The following NRG3 variants were observed in gnomAD, a reference collection of about 807,000 sequenced individuals.
NRG3 encodes the protein pro-neuregulin-3, membrane-bound isoform.
A neutral mutation model predicts 66.9 loss-of-function variants in NRG3; 31 were observed. The ratio of observed to expected loss-of-function variants is 0.46; its 90% CI spans 0.35 to 0.63. The LOEUF is 0.63. Ranked by LOEUF, NRG3 falls within the 20% of genes least tolerant of loss-of-function variation. NRG3 has a pLI of 0.00. For synonymous variants in NRG3, 393 were observed against 359.4 expected (o/e 1.09, Z -1.06); for missense variants, 910 against 878.9 (o/e 1.04, Z -0.45).
At chr10:82,249,059 C>A (rs2077370121) in intron 1 of NRG3, among the ~76,000 whole-genome samples, 1 of 152,270 alleles carries the variant, frequency 6.6e-6, no homozygotes, top group South Asian at 2.1e-4. Flanking sequence ...CTTTTGTAAT[C>A]CTCTATGATC....
At chr10:82,215,169 T>C (rs1413401178) in intron 1 of NRG3, among the ~76,000 whole-genome samples, 1 of 152,346 alleles carries the variant, frequency 6.6e-6, no homozygotes, top group East Asian at 1.9e-4. Flanking sequence ...TGAAGAATTA[T>C]GAGAAATTAT....
chr10:82,790,497 AT>A (rs1432741671), intron 3 of NRG3, among the ~76,000 whole-genome samples: 15 of 151,772 alleles, frequency 9.9e-5, no homozygotes, highest in African/African-American at 3.6e-4. Flanking sequence ...TACCTTTACA[AT>A]TCTCTCATTG....
chr10:82,565,891 T>A (rs1450805728), intron 2 of NRG3, among the ~76,000 whole-genome samples: 1 of 152,060 alleles, frequency 6.6e-6, no homozygotes, highest in African/African-American at 2.4e-5. Flanking sequence ...CACGCAGGCT[T>A]CTAATGAGAA....
chr10:82,205,312 C>A (rs748239654), intron 1 of NRG3, among the ~76,000 whole-genome samples: 2 of 152,110 alleles, frequency 1.3e-5, no homozygotes, highest in Non-Finnish European at 2.9e-5. Context: ...CTTCTGGGTT[C>A]CATCTGTTTC....
At chr10:82,563,914 A>G (rs1467608794) in intron 2 of NRG3, among the ~76,000 whole-genome samples, 2 of 152,122 alleles carry the variant, frequency 1.3e-5, no homozygotes, top group Admixed American at 6.6e-5. Flanking sequence ...TCATTTGAGT[A>G]TCTTAAGATG....
intron 1 of NRG3, among the ~76,000 whole-genome samples, chr10:82,276,498 C>T (rs1028889548): frequency 3.9e-5 from 6 of 151,998 alleles, no homozygotes; most frequent in African/African-American, 1.4e-4. Context: ...TAAAGGAACT[C>T]AACAGACCAG....
At chr10:82,511,277 G>A (rs2132444171) in intron 2 of NRG3, among the ~76,000 whole-genome samples, 1 of 152,170 alleles carries the variant, frequency 6.6e-6, no homozygotes, top group Non-Finnish European at 1.5e-5. Context: ...TCACAGAGAG[G>A]AAGGAAAAAA....
intron 1 of NRG3, among the ~76,000 whole-genome samples, chr10:81,939,916 A>T (rs1848256280): frequency 6.6e-6 from 1 of 151,614 alleles, no homozygotes; most frequent in Admixed American, 6.6e-5. Context: ...ACTGTTACAA[A>T]CTTCTTTTAT....
intron 3 of NRG3, among the ~76,000 whole-genome samples, chr10:82,828,266 T>A (rs1216046783): frequency 6.6e-6 from 1 of 152,190 alleles, no homozygotes; most frequent in East Asian, 1.9e-4. Flanking sequence ...TCATTGTCCA[T>A]CCGGACACCC....
At chr10:82,866,690 A>G (rs1292030926) in intron 4 of NRG3, among the ~76,000 whole-genome samples, 3 of 152,270 alleles carry the variant, frequency 2.0e-5, no homozygotes, top group African/African-American at 7.2e-5. Context: ...AAGAAGAATG[A>G]CCGTTTCAAT....
chr10:82,593,555 C>T (rs1219833389), intron 2 of NRG3, among the ~76,000 whole-genome samples: 3 of 100,648 alleles, frequency 3.0e-5, no homozygotes, highest in African/African-American at 6.8e-5. Context: ...TAACATTTCT[C>T]GGCTCATTTT....
chr10:82,508,119 A>G (rs557865005), intron 2 of NRG3, among the ~76,000 whole-genome samples: 3 of 152,332 alleles, frequency 2.0e-5, no homozygotes, highest in Admixed American at 6.5e-5. Context: ...CTTTCCCACA[A>G]GAAATCAATA....
At chr10:82,537,878 T>C (rs1212208367) in intron 2 of NRG3, among the ~76,000 whole-genome samples, 1 of 152,104 alleles carries the variant, frequency 6.6e-6, no homozygotes, top group East Asian at 1.9e-4. Flanking sequence ...TTGACCCCAT[T>C]ATTAATAGTT....
At chr10:82,090,424 T>C (rs1304995106) in intron 1 of NRG3, among the ~76,000 whole-genome samples, 3 of 152,212 alleles carry the variant, frequency 2.0e-5, no homozygotes, top group Non-Finnish European at 4.4e-5. Context: ...GATGAACATA[T>C]GTTGATTAAG....
At chr10:82,326,200 C>T (rs1243422888) in intron 1 of NRG3, among the ~76,000 whole-genome samples, 1 of 152,116 alleles carries the variant, frequency 6.6e-6, no homozygotes, top group Non-Finnish European at 1.5e-5. Flanking sequence ...TCTTCCCTTT[C>T]AGTTTCTTAA....
chr10:82,361,312 T>A (rs908652026), intron 2 of NRG3, among the ~76,000 whole-genome samples: 1 of 152,210 alleles, frequency 6.6e-6, no homozygotes, highest in Non-Finnish European at 1.5e-5. Flanking sequence ...ACATAGCTAA[T>A]CATGACAAAA....
chr10:82,503,095 G>A lies in NRG3; in HGVS notation c.953+144227G>A, dbSNP rs530634581. ...TTTTGTAGCTTATCCATTTTGACTAGAAGAAAGCCCAGAAGTGAATCAGGG... is the reference window on the plus strand; with the variant it reads ...TTTTGTAGCTTATCCATTTTGACTAAAAGAAAGCCCAGAAGTGAATCAGGG... On this transcript the variant is annotated intron_variant, in intron 2 of 8. Coordinates refer to ENST00000372141, the MANE Select transcript of NRG3 (RefSeq NM_001010848.4). 7.3e-4 allele frequency among the ~76,000 whole-genome samples: 111 copies of A among 152,278 alleles called. 1 individual carries two copies. Among genetic ancestry groups the A allele is most frequent in the African/African-American group, 2.6e-3 (108 of 41,564 alleles).
intron 2 of NRG3, among the ~76,000 whole-genome samples, chr10:82,715,676 C>T (rs916676368): frequency 1.3e-5 from 2 of 152,084 alleles, no homozygotes; most frequent in Non-Finnish European, 1.5e-5. Context: ...TTATTTTAAA[C>T]GAATTTGTGT....
chr10:82,138,324 T>G (rs1590253641), intron 1 of NRG3, among the ~76,000 whole-genome samples: 2 of 152,180 alleles, frequency 1.3e-5, no homozygotes, highest in East Asian at 3.9e-4. Flanking sequence ...ACATTTAATA[T>G]GAAAGAAATA....
Sources: gnomAD v4.1 joint callset for allele counts (sites outside exome capture counted in the v4.1 genomes callset) on GRCh38, gnomAD v4.1.1 for gene constraint, MANE v1.5 for transcripts, NCBI Gene and HGNC (gene_info 2026-07-23, HGNC 2026-07-21) for gene names.